Variants in VIPR2 observed in about 807,000 individuals in gnomAD.
The protein encoded by VIPR2 is vasoactive intestinal polypeptide receptor 2.
In VIPR2, 48 loss-of-function variants were observed where a neutral mutation model predicts 58.0. The ratio of observed to expected loss-of-function variants is 0.83; its 90% CI spans 0.66 to 1.05. The LOEUF is 1.05. Among genes scored for constraint, VIPR2 ranks in the 50% least tolerant of loss-of-function variants. The pLI, the probability that VIPR2 is intolerant of heterozygous loss-of-function variation, is 0.00. For missense variants in VIPR2, 534 were observed against 558.0 expected, an observed-to-expected ratio of 0.96 and a Z score of 0.43; for synonymous variants, 243 against 235.2, an observed-to-expected ratio of 1.03 and a Z score of -0.30.
In VIPR2 at chr7:159,098,536, G is replaced by A. The variant is rs956690611; in HGVS notation, c.357+5221C>T. 3.3e-5 allele frequency among the ~76,000 whole-genome samples: 5 copies of A among 152,146 alleles called. No homozygotes were observed. The highest frequency in any genetic ancestry group is 1.9e-4 in the East Asian group (1 of 5,160). On this transcript the variant is annotated intron_variant, in intron 4 of 12. Transcript: ENST00000262178. This position sits in a 1 kb window ranked among gnomAD's most constrained non-coding sequence, Gnocchi z 5.2. ...TTCAGGATCTGACTGCAGCAGGTGAGACCCCAAATAAAGGCCCAGACCATG... is the reference window on the plus strand; with the variant it reads ...TTCAGGATCTGACTGCAGCAGGTGAAACCCCAAATAAAGGCCCAGACCATG...
At chr7:159,070,585 C>T (rs191778122) in intron 4 of VIPR2, among the ~76,000 whole-genome samples, 100 of 152,248 alleles carry the variant, frequency 6.6e-4, no homozygotes, top group African/African-American at 2.1e-3. Flanking sequence ...GTGGGAAGCA[C>T]GGCCGCTACT....
At chr7:159,042,915 A>C in intron 6 of VIPR2, 120 bp downstream of exon 6, 3 of 1,322,960 alleles carry the variant, frequency 2.3e-6, no homozygotes, top group South Asian at 1.7e-5. Context: ...TCTGTTTCTC[A>C]GCCATGACCC....
intron 2 of VIPR2, among the ~76,000 whole-genome samples, chr7:159,131,799 C>T (rs1796924307): frequency 6.6e-6 from 1 of 152,172 alleles, no homozygotes; most frequent in Non-Finnish European, 1.5e-5. Flanking sequence ...CTGAAAAATT[C>T]CTGAGCAGAC....
intron 2 of VIPR2, among the ~76,000 whole-genome samples, chr7:159,129,851 G>A (rs566462565): frequency 5.7e-5 from 5 of 87,118 alleles, no homozygotes; most frequent in African/African-American, 2.5e-4. Context: ...AGGGGGACAG[G>A]GTCAGGTGAC....
At position 159,075,909 on chromosome 7, in the gene VIPR2, G is replaced by T. The variant is rs549345881; in HGVS notation, c.358-17331C>A. Among the ~76,000 whole-genome samples, 17 of 152,262 alleles carry T rather than the reference G, an allele frequency of 1.1e-4. 1 individual carries two copies. Among genetic ancestry groups the T allele is most frequent in the Admixed American group, 2.6e-4 (4 of 15,290 alleles). On this transcript the variant is annotated intron_variant, in intron 4 of 12. Coordinates refer to ENST00000262178, the MANE Select transcript of VIPR2 (RefSeq NM_003382.5). ...CAGGGCCGGCACCCAAGGACCTACT[G>T]CATTTACTGCTTTCTCACGGGCCGT... is the stretch of plus-strand genomic sequence containing the variant.
chr7:159,042,013 AC>A (rs1854380395), intron 6 of VIPR2, among the ~76,000 whole-genome samples: 1 of 152,150 alleles, frequency 6.6e-6, no homozygotes, highest in Non-Finnish European at 1.5e-5. Context: ...TTTTGTTATC[AC>A]AGCAAATCTG....
chr7:159,122,476 G>T (rs1213160236), intron 2 of VIPR2, among the ~76,000 whole-genome samples: 1 of 152,234 alleles, frequency 6.6e-6, no homozygotes, highest in African/African-American at 2.4e-5. Flanking sequence ...CCCAGGAAGA[G>T]ACTGAACTGG....
intron 2 of VIPR2, among the ~76,000 whole-genome samples, chr7:159,122,412 G>T (rs1796487512): frequency 6.6e-6 from 1 of 152,226 alleles, no homozygotes; most frequent in African/African-American, 2.4e-5. Context: ...TTTGGGGTCT[G>T]GACGTCATCT....
At chr7:159,121,245 C>G (rs190661834) in intron 2 of VIPR2, among the ~76,000 whole-genome samples, 173 of 150,230 alleles carry the variant, frequency 1.2e-3, no homozygotes, top group African/African-American at 3.7e-3. Flanking sequence ...GGGGCAGACT[C>G]TAACACAGCC....
rs929899553 is a variant in VIPR2, at chr7:159,141,154, C to T, written c.151+1292G>A. 3.3e-5 allele frequency among the ~76,000 whole-genome samples: 5 copies of T among 152,302 alleles called. No individual in the cohort carries two copies. The East Asian group carries it at 5.8e-4, about 18-fold the overall frequency. On this transcript the variant is annotated intron_variant, in intron 2 of 12. Coordinates refer to ENST00000262178, the MANE Select transcript of VIPR2 (RefSeq NM_003382.5). ...CCCATGGCCACGCTGCTGCTTCTGC[C>T]GTGGCAGACTGGCTGCCTCCTCCAT...
At chr7:159,122,176 G>T (rs75822548) in intron 2 of VIPR2, among the ~76,000 whole-genome samples, 4,059 of 152,336 alleles carry the variant, frequency 0.027, 85 homozygotes, top group Middle Eastern at 0.044. Flanking sequence ...CATGACGGGT[G>T]GCAGGATCAT....
At position 159,090,150 on chromosome 7, in the gene VIPR2, A is replaced by G. The variant is rs112205404; in HGVS notation, c.357+13607T>C. Among the ~76,000 whole-genome samples, 95 of 109,480 alleles carry G rather than the reference A, an allele frequency of 8.7e-4. 3 individuals are homozygous for G. Among genetic ancestry groups the G allele is most frequent in the African/African-American group, 3.3e-3 (83 of 24,920 alleles). 71.8% of individuals were successfully genotyped at this position (109,480 alleles called of 152,430 possible). A position where few individuals can be genotyped will look rare whatever the true frequency, so the allele number is the denominator to read the frequency against. ...CTCAGCACAGACACGCTGGGACCAC[A>G]CACAGGGGCCACCTCTTATGACCAT... On this transcript the variant is annotated intron_variant, in intron 4 of 12. Transcript: ENST00000262178.
intron 2 of VIPR2, among the ~76,000 whole-genome samples, chr7:159,133,857 T>C (rs949740328): frequency 4.6e-5 from 7 of 152,190 alleles, no homozygotes; most frequent in Non-Finnish European, 8.8e-5. Flanking sequence ...TAATCTTTAA[T>C]AAATAAGAAT....
chr7:159,130,912 G>A (rs1796885019), intron 2 of VIPR2, among the ~76,000 whole-genome samples: 1 of 152,186 alleles, frequency 6.6e-6, no homozygotes, highest in Admixed American at 6.5e-5. Flanking sequence ...TTAATTCTGA[G>A]CCACAGAAGC....
At chr7:159,140,070 T>G (rs1289440826) in intron 2 of VIPR2, among the ~76,000 whole-genome samples, 1 of 149,096 alleles carries the variant, frequency 6.7e-6, no homozygotes, top group Non-Finnish European at 1.5e-5. Context: ...GATTTACGTG[T>G]TTTTTTGTTT....
rs1221038401 is a variant in VIPR2 at position 159,130,657 on chromosome 7, C to T, written c.151+11789G>A. ...CTTTGAAAAACCCTAGCCTCTGAGCCTTTGATGAGGTGATTTGAGTAACAA... is the reference window on the plus strand; with the variant it reads ...CTTTGAAAAACCCTAGCCTCTGAGCTTTTGATGAGGTGATTTGAGTAACAA... On this transcript the variant is annotated intron_variant, in intron 2 of 12. Transcript: ENST00000262178. 1.3e-5 allele frequency among the ~76,000 whole-genome samples: 2 copies of T among 152,210 alleles called. 1 individual carries two copies. Among genetic ancestry groups the T allele is most frequent in the South Asian group, 4.1e-4 (2 of 4,832 alleles).
chr7:159,108,240 C>G (rs908323680), intron 3 of VIPR2, among the ~76,000 whole-genome samples: 2 of 152,216 alleles, frequency 1.3e-5, no homozygotes, highest in Non-Finnish European at 2.9e-5. Flanking sequence ...TTCACCCCAG[C>G]CCTGCTCGGC....
intron 4 of VIPR2, among the ~76,000 whole-genome samples, chr7:159,066,372 T>C (rs909939759): frequency 2.8e-4 from 43 of 151,362 alleles, no homozygotes; most frequent in African/African-American, 1.0e-3. Context: ...TCCCACACCA[T>C]CCGTGGGATT....
At chr7:159,063,235 TGGGG>T in intron 4 of VIPR2, among the ~76,000 whole-genome samples, 1 of 151,434 alleles carries the variant, frequency 6.6e-6, no homozygotes, top group African/African-American at 2.4e-5. Context: ...CACGGCGGGG[TGGGG>T]GGAGACTCGG....
Sources: gnomAD v4.1 joint callset for allele counts (sites outside exome capture counted in the v4.1 genomes callset) on GRCh38, gnomAD v4.1.1 for gene constraint, Gnocchi (gnomAD v3.1) non-coding constraint, MANE v1.5 for transcripts, NCBI Gene and HGNC (gene_info 2026-07-23, HGNC 2026-07-21) for gene names.